ASCC1: variants seen among roughly 807,000 people sequenced by gnomAD.
The protein encoded by ASCC1 is ASC-1 complex subunit P50.
ASCC1 carries 35 observed loss-of-function variants against 46.6 expected under a neutral mutation model. The ratio of observed to expected loss-of-function variants is 0.75; its 90% CI spans 0.57 to 0.99. The LOEUF (loss-of-function observed/expected upper bound fraction) is 0.99, where lower values mean the gene tolerates loss of function less well. Among genes scored for constraint, ASCC1 ranks in the 50% least tolerant of loss-of-function variants. The pLI is 0.00. For synonymous variants in ASCC1, 143 were observed against 146.6 expected, an observed-to-expected ratio of 0.98 and a Z score of 0.18; for missense variants, 376 against 428.7, an observed-to-expected ratio of 0.88 and a Z score of 1.09.
intron 5 of ASCC1, among the ~76,000 whole-genome samples, chr10:72,178,616 C>T (rs1415392320): frequency 1.3e-5 from 2 of 152,188 alleles, no homozygotes; most frequent in African/African-American, 4.8e-5. Context: ...GTCTGGTCAA[C>T]ATCTTGATTT....
chr10:72,114,453 G>A (rs910917022), intron 9 of ASCC1, among the ~76,000 whole-genome samples: 3 of 151,874 alleles, frequency 2.0e-5, no homozygotes, highest in South Asian at 2.1e-4. Context: ...GTGAAACCCC[G>A]TCTCTACTAA....
At chr10:72,130,460 C>T (rs1203903201) in intron 8 of ASCC1, among the ~76,000 whole-genome samples, 1 of 152,144 alleles carries the variant, frequency 6.6e-6, no homozygotes, top group Non-Finnish European at 1.5e-5. Flanking sequence ...AAACACACAA[C>T]ACTCTCTTAT....
rs778919046 is a variant in ASCC1, at chr10:72,203,476, C to T, written c.261G>A (p.Glu87=). 1.3e-5 allele frequency: 21 copies of T among 1,613,544 alleles called. 1 individual carries two copies. The South Asian group carries it at 2.3e-4, about 18-fold the overall frequency. ...TAGGAATGCTAATAGAAGTTTTGGT[C>T]TCCATTTCTATTTTCTTCCTAGTGT... ...RGDTRKKIEM[E]TKTSISIPKP... Residue 87 remains glutamate (E), a synonymous_variant, in exon 4 of 10, where the codon GAG becomes GAA. Transcript: ENST00000672957.
chr10:72,107,079 G>C (rs1370138715), intron 9 of ASCC1, among the ~76,000 whole-genome samples: 1 of 151,900 alleles, frequency 6.6e-6, no homozygotes, highest in African/African-American at 2.4e-5. Context: ...ACAAATAATG[G>C]TATATTTCAG....
At chr10:72,187,131 G>T (rs561099339) in intron 5 of ASCC1, among the ~76,000 whole-genome samples, 1 of 152,054 alleles carries the variant, frequency 6.6e-6, no homozygotes, top group Non-Finnish European at 1.5e-5. Context: ...AAACCTCAGC[G>T]TTCCTGATCT....
intron 5 of ASCC1, among the ~76,000 whole-genome samples, chr10:72,186,756 C>G (rs1437630745): frequency 3.3e-5 from 5 of 152,040 alleles, no homozygotes; most frequent in Admixed American, 1.3e-4. Context: ...AGAAAAGAGA[C>G]TATGTTAATA....
chr10:72,179,260 C>G (rs1852248876), intron 5 of ASCC1, among the ~76,000 whole-genome samples: 1 of 152,276 alleles, frequency 6.6e-6, no homozygotes, highest in East Asian at 1.9e-4. Context: ...CTTGGCCTCC[C>G]AAAGTGATGG....
intron 5 of ASCC1, among the ~76,000 whole-genome samples, chr10:72,175,529 AG>A (rs1410747487): frequency 6.6e-6 from 1 of 152,250 alleles, no homozygotes; most frequent in Admixed American, 6.5e-5. Flanking sequence ...TTTAGAAAAA[AG>A]GGTTTTGTTT....
intron 6 of ASCC1, among the ~76,000 whole-genome samples, chr10:72,154,189 C>T (rs1240171515): frequency 1.3e-5 from 2 of 152,182 alleles, no homozygotes; most frequent in Admixed American, 6.5e-5. Context: ...TTCTCCTTTA[C>T]AGAAGAACTC....
rs1841194786 is a variant in ASCC1, at chr10:72,097,275, A to G, written c.*59T>C. 3.4e-6 allele frequency: 4 copies of G among 1,189,868 alleles called. No homozygotes were observed. In the East Asian group the frequency reaches 9.5e-5, roughly 28 times the overall value. The allele number at this position is 1,189,868 out of a possible 1,614,324, so 73.7% of individuals were successfully genotyped here. On this transcript the variant is annotated 3_prime_UTR_variant, in exon 10 of 10. Coordinates refer to ENST00000672957, the MANE Select transcript of ASCC1 (RefSeq NM_001198800.3). ...TCCCTGCTTGGCAATTAAAACGAAG[A>G]CACTTTTCTTCAGCACCTGGTGAAG...
rs190313193 is a variant in ASCC1, at chr10:72,123,294, G to A, written c.957+4788C>T. 2.9e-3 allele frequency among the ~76,000 whole-genome samples: 442 copies of A among 150,798 alleles called. 2 individuals carry two copies. The highest frequency in any genetic ancestry group is 0.01 in the African/African-American group (411 of 41,002). ...GTGGAGCTTGCAGTGAGCCGGGATC[G>A]TGCCACTGCACTCCAGCCTGGGCGG... On this transcript the variant is annotated intron_variant, in intron 9 of 9. Coordinates refer to ENST00000672957, the MANE Select transcript of ASCC1 (RefSeq NM_001198800.3).
intron 3 of ASCC1, 68 bp from the exon 4 acceptor site, chr10:72,203,592 T>A: frequency 8.7e-7 from 1 of 1,154,984 alleles, no homozygotes; most frequent in Non-Finnish European, 1.3e-6. Flanking sequence ...TCATTATGTT[T>A]AAATCCTTTG....
Position 72,196,925 on chromosome 10 carries a change from G to C in ASCC1, c.375C>G (p.Asp125Glu), listed in dbSNP as rs146356471. 7.4e-6 allele frequency: 12 copies of C among 1,613,658 alleles called. No individual in the cohort carries two copies. Among genetic ancestry groups the C allele is most frequent in the Non-Finnish European group, 1.0e-5 (12 of 1,180,014 alleles). The change falls in exon 5 of 10, where the codon GAC becomes GAG. Residue 125 changes from aspartate to glutamate, a missense_variant. Coordinates refer to ENST00000672957, the MANE Select transcript of ASCC1 (RefSeq NM_001198800.3). Reference protein sequence around the residue: ...SARTRIDVLLDTFRRKQPFTH... With the variant: ...SARTRIDVLLETFRRKQPFTH... ...TGAAGGGCTGCTTTCTTCGAAAAGTGTCCAAAAGAACATCAATCCGTGTTC... is the reference window on the plus strand; with the variant it reads ...TGAAGGGCTGCTTTCTTCGAAAAGTCTCCAAAAGAACATCAATCCGTGTTC...
chr10:72,136,082 G>A (rs904622971), intron 7 of ASCC1, among the ~76,000 whole-genome samples: 7 of 152,124 alleles, frequency 4.6e-5, no homozygotes, highest in Admixed American at 3.9e-4. Flanking sequence ...GAGTGCAGTA[G>A]CACAATCACA....
intron 4 of ASCC1, among the ~76,000 whole-genome samples, chr10:72,200,291 T>C (rs144995405): frequency 0.017 from 2,533 of 152,256 alleles, 63 homozygotes; most frequent in Non-Finnish European, 0.019. Context: ...GAGACTTCCA[T>C]GTATACCTTA....
chr10:72,107,893 C>T (rs960306264), intron 9 of ASCC1, among the ~76,000 whole-genome samples: 1 of 152,082 alleles, frequency 6.6e-6, no homozygotes, highest in South Asian at 2.1e-4. Flanking sequence ...CCTTTTTCCT[C>T]ACCTACACTG....
rs1238038178 is a variant in ASCC1 at position 72,096,868 on chromosome 10, A to G, written c.*466T>C. On this transcript the variant is annotated 3_prime_UTR_variant, in exon 10 of 10. Transcript: ENST00000672957. ...TGAGATACTGAGAATAGTCAAAACC[A>G]GAGAGACAGAAAGCAGAATGGTGGC... 2 of 454,132 alleles carry G rather than the reference A, an allele frequency of 4.4e-6. No homozygotes were observed. Among genetic ancestry groups the G allele is most frequent in the Admixed American group, 4.7e-5 (2 of 42,584 alleles). 28.1% of individuals were successfully genotyped at this position (454,132 alleles called of 1,614,324 possible). A position where few individuals can be genotyped will look rare whatever the true frequency, so the allele number is the denominator to read the frequency against.
chr10:72,172,727 T>C (rs1488828462), intron 5 of ASCC1, among the ~76,000 whole-genome samples: 2 of 138,168 alleles, frequency 1.4e-5, no homozygotes, highest in Non-Finnish European at 3.1e-5. Context: ...AATATTTTTA[T>C]ATTATATATA....
At chr10:72,136,331 C>T (rs1386520276) in intron 7 of ASCC1, among the ~76,000 whole-genome samples, 1 of 152,142 alleles carries the variant, frequency 6.6e-6, no homozygotes, top group Non-Finnish European at 1.5e-5. Flanking sequence ...ACGCACCAAT[C>T]AGCACTCTAT....
Sources: allele counts gnomAD v4.1 joint callset (sites outside exome capture counted in the v4.1 genomes callset), GRCh38; gene constraint gnomAD v4.1.1; transcripts MANE v1.5; gene names NCBI Gene and HGNC (gene_info 2026-07-23, HGNC 2026-07-21).